The following PTPRD variants were observed in gnomAD, a reference collection of about 807,000 sequenced individuals.
PTPRD encodes the protein protein tyrosine phosphatase receptor type D.
Under a neutral mutation model 214.5 loss-of-function variants are expected in PTPRD, and 34 were observed. The observed-to-expected ratio is 0.16, with a 90% CI of 0.12 to 0.21. The LOEUF (loss-of-function observed/expected upper bound fraction) is 0.21, where lower values mean the gene tolerates loss of function less well. Ranked by LOEUF, PTPRD falls within the 10% of genes least tolerant of loss-of-function variation. The probability of loss-of-function intolerance (pLI) is 1.00; values close to 1 mark genes in which losing one functional copy is unlikely to be tolerated. For missense variants in PTPRD, 2,545 were observed against 2,398.7 expected (o/e 1.06, Z -1.27); for synonymous variants, 1,128 against 845.7 (o/e 1.33, Z -5.79).
intron 7 of PTPRD, among the ~76,000 whole-genome samples, chr9:9,599,056 A>G (rs908791964): frequency 6.6e-5 from 10 of 152,052 alleles, no homozygotes; most frequent in African/African-American, 2.4e-4. Flanking sequence ...GTTTTTGCCC[A>G]GAGATTATCT....
At chr9:10,000,800 C>T (rs207470089) in intron 4 of PTPRD, among the ~76,000 whole-genome samples, 1 of 152,186 alleles carries the variant, frequency 6.6e-6, no homozygotes, top group Admixed American at 6.5e-5. Flanking sequence ...CTTTTCTTGT[C>T]AGCACGTGTG....
At chr9:10,066,839 T>C (rs1229357496) in intron 3 of PTPRD, among the ~76,000 whole-genome samples, 1 of 151,956 alleles carries the variant, frequency 6.6e-6, no homozygotes, top group African/African-American at 2.4e-5. Context: ...TACTCATATA[T>C]TCTCACAATA....
At chr9:9,655,093 TA>T (rs1430115487) in intron 7 of PTPRD, among the ~76,000 whole-genome samples, 1 of 152,162 alleles carries the variant, frequency 6.6e-6, no homozygotes, top group Non-Finnish European at 1.5e-5. Flanking sequence ...ATTCTAAACC[TA>T]TTTTTTTAAT....
intron 5 of PTPRD, among the ~76,000 whole-genome samples, chr9:9,795,271 G>T (rs1598058586): frequency 6.6e-6 from 1 of 152,150 alleles, no homozygotes. Context: ...AAATAGTGGG[G>T]TATATTGAGT....
intron 11 of PTPRD, among the ~76,000 whole-genome samples, chr9:8,771,219 A>T (rs1261696762): frequency 6.6e-6 from 1 of 151,936 alleles, no homozygotes; most frequent in African/African-American, 2.4e-5. Flanking sequence ...CTTTATTAAA[A>T]ATTTAAAATT....
chr9:9,989,767 G>T (rs985360758), intron 4 of PTPRD, among the ~76,000 whole-genome samples: 5 of 152,178 alleles, frequency 3.3e-5, no homozygotes, highest in South Asian at 2.1e-4. Context: ...ACCCGCTGGG[G>T]CTCCAGGGGT....
chr9:8,442,947 C>T (rs1050307059), intron 34 of PTPRD, among the ~76,000 whole-genome samples: 1 of 152,144 alleles, frequency 6.6e-6, no homozygotes, highest in African/African-American at 2.4e-5. Flanking sequence ...TTCTGTCCAG[C>T]CTGGGCAACA....
At chr9:9,096,352 A>G (rs1252574173) in intron 10 of PTPRD, among the ~76,000 whole-genome samples, 1 of 152,162 alleles carries the variant, frequency 6.6e-6, no homozygotes, top group Admixed American at 6.5e-5. Context: ...ACGCAATACA[A>G]TTTATCAAAG....
intron 44 of PTPRD, among the ~76,000 whole-genome samples, chr9:8,331,047 A>G (rs1189789839): frequency 6.7e-6 from 1 of 149,726 alleles, no homozygotes; most frequent in Non-Finnish European, 1.5e-5. Flanking sequence ...AAAATGCTCT[A>G]GAAACTATTG....
At chr9:8,979,389 A>T (rs991808600) in intron 11 of PTPRD, among the ~76,000 whole-genome samples, 1 of 152,144 alleles carries the variant, frequency 6.6e-6, no homozygotes, top group African/African-American at 2.4e-5. Context: ...AAATAAATGA[A>T]ACTACATCGA....
chr9:9,781,815 C>T (rs1210255357), intron 5 of PTPRD, among the ~76,000 whole-genome samples: 1 of 139,896 alleles, frequency 7.1e-6, no homozygotes, highest in Non-Finnish European at 1.5e-5. Context: ...TTTTTTTAGA[C>T]GGAGTCTCGC....
At chr9:8,418,819 C>T (rs538842366) in intron 35 of PTPRD, among the ~76,000 whole-genome samples, 5 of 151,918 alleles carry the variant, frequency 3.3e-5, no homozygotes. Flanking sequence ...AAGCTATGAA[C>T]CATTCAAGTT....
intron 10 of PTPRD, among the ~76,000 whole-genome samples, chr9:9,089,169 G>A (rs1412663882): frequency 6.6e-6 from 1 of 152,132 alleles, no homozygotes; most frequent in Non-Finnish European, 1.5e-5. Context: ...ATATTCTTGT[G>A]TTGAAGGACT....
chr9:8,779,160 C>T (rs759730371), intron 11 of PTPRD, among the ~76,000 whole-genome samples: 16 of 152,106 alleles, frequency 1.1e-4, no homozygotes, highest in Non-Finnish European at 2.2e-4. Context: ...TAGCAGAAGG[C>T]TGACAGAAAA....
chr9:9,177,713 G>T (rs1282752928), intron 10 of PTPRD, among the ~76,000 whole-genome samples: 3 of 152,040 alleles, frequency 2.0e-5, no homozygotes, highest in African/African-American at 4.8e-5. Context: ...ACTTGAAAAT[G>T]ATGGATGTAA....
chr9:9,593,734 C>A (rs1003123436), intron 7 of PTPRD, among the ~76,000 whole-genome samples: 1 of 151,986 alleles, frequency 6.6e-6, no homozygotes, highest in East Asian at 1.9e-4. Context: ...ATGAAGGTCA[C>A]TGAGGAAATG....
intron 3 of PTPRD, among the ~76,000 whole-genome samples, chr9:10,327,590 G>A (rs934638983): frequency 6.6e-6 from 1 of 151,578 alleles, no homozygotes; most frequent in Non-Finnish European, 1.5e-5. Context: ...AAAATCTAGA[G>A]CTCTTGCATA....
intron 23 of PTPRD, 89 bp downstream of exon 23, chr9:8,504,172 A>T: frequency 2.3e-6 from 3 of 1,296,066 alleles, no homozygotes; most frequent in Non-Finnish European, 3.3e-6. Flanking sequence ...TAAGCATATT[A>T]GCAGGTTTGC....
At chr9:8,972,608 T>C (rs756561628) in intron 11 of PTPRD, among the ~76,000 whole-genome samples, 61 of 152,066 alleles carry the variant, frequency 4.0e-4, no homozygotes, top group Admixed American at 1.7e-3. Context: ...TGTTAGTCAA[T>C]AACCTTGATA....
Sources: allele counts gnomAD v4.1 joint callset (sites outside exome capture counted in the v4.1 genomes callset), GRCh38; gene constraint gnomAD v4.1.1; transcripts MANE v1.5; gene names NCBI Gene and HGNC (gene_info 2026-07-23, HGNC 2026-07-21).